The following ITCH variants were observed in gnomAD, a reference collection of about 807,000 sequenced individuals.
ITCH encodes the protein E3 ubiquitin-protein ligase Itchy homolog.
ITCH carries 28 observed loss-of-function variants against 126.8 expected under a neutral mutation model. The observed-to-expected ratio is 0.22, with a 90% CI of 0.16 to 0.30. The LOEUF is 0.30. ITCH is among the 10% of genes least tolerant of loss of function. ITCH has a pLI of 1.00. For missense variants in ITCH, 631 were observed against 1,032.4 expected (o/e 0.61, Z 5.33); for synonymous variants, 342 against 340.0 (o/e 1.01, Z -0.06).
chr20:34,437,378 T>C (rs1983153678), intron 7 of ITCH, among the ~76,000 whole-genome samples: 2 of 152,182 alleles, frequency 1.3e-5, no homozygotes, highest in African/African-American at 2.4e-5. Flanking sequence ...CAAGCTCAGC[T>C]CACTGCAACC....
chr20:34,496,504 T>A (rs752207957), intron 23 of ITCH, among the ~76,000 whole-genome samples: 2 of 152,142 alleles, frequency 1.3e-5, no homozygotes, highest in Non-Finnish European at 2.9e-5. Flanking sequence ...TTATGTCCTC[T>A]TTATAAAATC....
At chr20:34,466,169 A>G (rs1194353750) in intron 14 of ITCH, among the ~76,000 whole-genome samples, 1 of 132,760 alleles carries the variant, frequency 7.5e-6, no homozygotes, top group Non-Finnish European at 1.7e-5. Flanking sequence ...ATCAATTGAG[A>G]TGATCATGTG....
chr20:34,423,443 A>C (rs1467476168), intron 6 of ITCH, among the ~76,000 whole-genome samples: 1 of 152,114 alleles, frequency 6.6e-6, no homozygotes, highest in Admixed American at 6.6e-5. Context: ...TCCCTGTTTA[A>C]ACTATGATTC....
intron 22 of ITCH, among the ~76,000 whole-genome samples, chr20:34,491,179 G>C (rs1363841477): frequency 2.6e-5 from 4 of 152,080 alleles, no homozygotes; most frequent in Non-Finnish European, 5.9e-5. Flanking sequence ...TGTAAGCCAG[G>C]GACTGTCTGT....
intron 3 of ITCH, among the ~76,000 whole-genome samples, chr20:34,398,064 C>G (rs2038738643): frequency 6.6e-6 from 1 of 150,976 alleles, no homozygotes; most frequent in African/African-American, 2.4e-5. Flanking sequence ...ATAGCCATCT[C>G]AGATTTTTTT....
At chr20:34,451,996 G>A (rs1303631849) in intron 12 of ITCH, among the ~76,000 whole-genome samples, 1 of 150,226 alleles carries the variant, frequency 6.7e-6, no homozygotes, top group Non-Finnish European at 1.5e-5. Flanking sequence ...CTGAGCCTGG[G>A]AAGTCAAGGC....
chr20:34,400,846 C>T (rs1031398201), intron 3 of ITCH, among the ~76,000 whole-genome samples: 2 of 151,888 alleles, frequency 1.3e-5, no homozygotes, highest in Non-Finnish European at 1.5e-5. Flanking sequence ...CAACCTCCGC[C>T]TCCCAGGTTC....
At chr20:34,438,747 A>G (rs1983364047) in intron 8 of ITCH, 116 bp downstream of exon 8, 1 of 1,338,468 alleles carries the variant, frequency 7.5e-7, no homozygotes, top group African/African-American at 1.4e-5. Flanking sequence ...TTTACATTTA[A>G]GATTTTGGAA....
intron 2 of ITCH, among the ~76,000 whole-genome samples, chr20:34,379,498 C>T (rs1269222338): frequency 6.6e-6 from 1 of 152,048 alleles, no homozygotes; most frequent in Non-Finnish European, 1.5e-5. Flanking sequence ...ATTTCACCTC[C>T]TCCCTGCTCT....
At chr20:34,472,010 A>G (rs1046132680) in intron 16 of ITCH, among the ~76,000 whole-genome samples, 1 of 152,180 alleles carries the variant, frequency 6.6e-6, no homozygotes, top group Non-Finnish European at 1.5e-5. Flanking sequence ...CATTGGTGAC[A>G]GTATCTAAAA....
chr20:34,367,350 G>A (rs2122953853), intron 1 of ITCH, among the ~76,000 whole-genome samples: 1 of 152,258 alleles, frequency 6.6e-6, no homozygotes, highest in Non-Finnish European at 1.5e-5. Context: ...ATGCCACCAA[G>A]CCTGGCTAAT....
intron 23 of ITCH, among the ~76,000 whole-genome samples, chr20:34,499,608 A>T (rs1990121616): frequency 1.7e-5 from 2 of 119,980 alleles, no homozygotes; most frequent in African/African-American, 3.6e-5. Flanking sequence ...TGGTTTGTCA[A>T]TTTTGTTTAT....
chr20:34,442,507 A>G (rs569915102), intron 10 of ITCH, among the ~76,000 whole-genome samples: 29 of 152,256 alleles, frequency 1.9e-4, no homozygotes, highest in African/African-American at 7.0e-4. Context: ...GTTTTCACGC[A>G]TATTTCTTTC....
At chr20:34,414,887 T>C (rs1301675988) in intron 6 of ITCH, among the ~76,000 whole-genome samples, 5 of 152,218 alleles carry the variant, frequency 3.3e-5, no homozygotes, top group African/African-American at 7.2e-5. Context: ...CTTTTGACAA[T>C]ACTAATTCAT....
chr20:34,443,016 C>T (rs1314151325), intron 10 of ITCH, among the ~76,000 whole-genome samples: 1 of 151,414 alleles, frequency 6.6e-6, no homozygotes, highest in African/African-American at 2.4e-5. Context: ...CTTGTCTAAG[C>T]TGTTTACCTG....
chr20:34,470,200 T>C (rs537823479), intron 15 of ITCH, 80 bp downstream of exon 15: 18 of 1,112,372 alleles, frequency 1.6e-5, no homozygotes, highest in Non-Finnish European at 2.2e-5. Flanking sequence ...TGAAAATACT[T>C]AACTCACAGA....
At chr20:34,403,717 T>TAAA (rs1306046395) in intron 3 of ITCH, among the ~76,000 whole-genome samples, 8 of 151,972 alleles carry the variant, frequency 5.3e-5, no homozygotes, top group Admixed American at 1.3e-4. Flanking sequence ...GAGGTGGAAA[T>TAAA]AATTTAACTT....
intron 2 of ITCH, among the ~76,000 whole-genome samples, chr20:34,370,663 C>CAAAAA (rs113103425): frequency 7.7e-6 from 1 of 129,414 alleles, no homozygotes; most frequent in East Asian, 2.2e-4. Flanking sequence ...GAGTCTGTCT[C>CAAAAA]AAAAAAAAAA....
chr20:34,446,758 A>G (rs1410446887), intron 11 of ITCH, among the ~76,000 whole-genome samples: 2 of 152,140 alleles, frequency 1.3e-5, no homozygotes, highest in East Asian at 3.9e-4. Context: ...ACTAGTTTCC[A>G]CATGGGTGTT....
Sources: allele counts gnomAD v4.1 joint callset (sites outside exome capture counted in the v4.1 genomes callset), GRCh38; gene constraint gnomAD v4.1.1; transcripts MANE v1.5; gene names NCBI Gene and HGNC (gene_info 2026-07-23, HGNC 2026-07-21).